The following ZYG11B variants were observed in gnomAD, a reference collection of about 807,000 sequenced individuals.
ZYG11B encodes zyg-11 family member B, cell cycle regulator.
Under a neutral mutation model 82.4 loss-of-function variants are expected in ZYG11B, and 36 were observed. That is an observed-to-expected ratio of 0.44 (90% CI 0.33 to 0.58). The LOEUF (loss-of-function observed/expected upper bound fraction) is 0.58, where lower values mean the gene tolerates loss of function less well. Ranked by LOEUF, ZYG11B falls within the 20% of genes least tolerant of loss-of-function variation. ZYG11B has a pLI of 0.02. For missense variants in ZYG11B, 552 were observed against 895.6 expected (o/e 0.62, Z 4.90); for synonymous variants, 303 against 312.8 (o/e 0.97, Z 0.33).
intron 4 of ZYG11B, among the ~76,000 whole-genome samples, chr1:52,783,786 C>CTT (rs1156937154): frequency 2.4e-4 from 12 of 49,636 alleles, no homozygotes; most frequent in East Asian, 5.5e-3. Context: ...CCATGCCCAG[C>CTT]TTTATATATA....
intron 1 of ZYG11B, among the ~76,000 whole-genome samples, chr1:52,735,685 C>A (rs1644373164): frequency 6.6e-6 from 1 of 152,060 alleles, no homozygotes; most frequent in Non-Finnish European, 1.5e-5. Context: ...TACAGGCGCC[C>A]ACTGCCATGC....
chr1:52,798,732 G>A (rs572235765), intron 8 of ZYG11B, among the ~76,000 whole-genome samples: 17 of 152,266 alleles, frequency 1.1e-4, no homozygotes, highest in Admixed American at 4.6e-4. Flanking sequence ...GCAGATACAT[G>A]ATTTTGCTTG....
chr1:52,744,765 C>G (rs1184000256), intron 1 of ZYG11B, among the ~76,000 whole-genome samples: 1 of 152,120 alleles, frequency 6.6e-6, no homozygotes, highest in Non-Finnish European at 1.5e-5. Context: ...TCTCTTGAAC[C>G]CGGGAGGCGG....
intron 3 of ZYG11B, among the ~76,000 whole-genome samples, chr1:52,776,192 C>CT (rs1644804110): frequency 1.4e-5 from 1 of 70,568 alleles, no homozygotes; most frequent in African/African-American, 4.6e-5. Context: ...GATTTCCTGC[C>CT]TGAACAACAA....
intron 1 of ZYG11B, among the ~76,000 whole-genome samples, chr1:52,754,981 C>T (rs902649963): frequency 3.2e-5 from 4 of 124,812 alleles, no homozygotes; most frequent in Admixed American, 1.9e-4. Context: ...TTTTTTGAGA[C>T]GGAGTCTTGC....
In ZYG11B at chr1:52,779,913, G is replaced by A. The variant is rs368978013; in HGVS notation, c.1012G>A (p.Ala338Thr). 1 of 1,614,196 alleles carries A rather than the reference G, an allele frequency of 6.2e-7. No homozygotes were observed. The highest frequency in any genetic ancestry group is 8.5e-7 in the Non-Finnish European group (1 of 1,180,008). The change falls in exon 4 of 14, where the codon GCA becomes ACA. Residue 338 changes from alanine (A) to threonine (T), a missense_variant. By Grantham distance (58) the Ala-to-Thr change is moderately conservative. Around this residue, in one of 3 missense-constraint regions of ZYG11B, gnomAD observed 359 missense variants for 555.8 expected, o/e 0.65. Transcript: ENST00000294353. ...AEALKRYSERAFFVREALFHL... is the reference protein window; with the variant it reads ...AEALKRYSERTFFVREALFHL... ...AGCACTGAAGCGTTACAGTGAACGG[G>A]CATTCTTTGTTCGGGAAGCTCTATT...
At chr1:52,776,983 G>A (rs1047205899) in intron 3 of ZYG11B, among the ~76,000 whole-genome samples, 1 of 152,162 alleles carries the variant, frequency 6.6e-6, no homozygotes, top group Non-Finnish European at 1.5e-5. Flanking sequence ...GCCGAGGTTG[G>A]CTGATCATTT....
intron 1 of ZYG11B, among the ~76,000 whole-genome samples, chr1:52,750,566 C>G (rs1400061093): frequency 1.3e-5 from 2 of 152,276 alleles, no homozygotes; most frequent in South Asian, 2.1e-4. Flanking sequence ...AGCCATCGTG[C>G]CTGACTCTGG....
At chr1:52,797,608 A>G (rs903627768) in intron 8 of ZYG11B, among the ~76,000 whole-genome samples, 1 of 145,762 alleles carries the variant, frequency 6.9e-6, no homozygotes, top group Non-Finnish European at 1.5e-5. Flanking sequence ...TCCCAGGTTC[A>G]CGCCATTCTC....
rs1229107098 is a variant in ZYG11B at position 52,798,807 on chromosome 1, TAG to T, written c.1485+2025_1485+2026del. ...AAACTTTAAACAGCTTTAAAGGGAG[TAG>T]ATATAAACAATGTCTTAGGGAAGAC... is the stretch of plus-strand genomic sequence containing the variant. On this transcript the variant is annotated intron_variant, in intron 8 of 13. Coordinates refer to ENST00000294353, the MANE Select transcript of ZYG11B (RefSeq NM_024646.3). Among the ~76,000 whole-genome samples the T allele has an allele frequency of 2.6e-5, 4 of 151,768 alleles. No homozygotes were observed. In the East Asian group the frequency reaches 7.7e-4, roughly 29 times the overall value.
In ZYG11B at chr1:52,796,988, T is replaced by A. The variant is rs1174504857; in HGVS notation, c.1485+204T>A. Among the ~76,000 whole-genome samples, 974 of 68,540 alleles carry A rather than the reference T, an allele frequency of 0.014. 105 individuals are homozygous for A. The Admixed American group carries it at 0.18, about 12-fold the overall frequency. The allele number at this position is 68,540 out of a possible 152,430, so 45.0% of individuals were successfully genotyped here. A position where few individuals can be genotyped will look rare whatever the true frequency, so the allele number is the denominator to read the frequency against. ...ATATAATATATATAAATATATATAT[T>A]TTTTATATAAATATATTATATATTT... On this transcript the variant is annotated intron_variant, in intron 8 of 13. Transcript: ENST00000294353.
chr1:52,747,466 G>C lies in ZYG11B; in HGVS notation c.31-8992G>C, dbSNP rs74943264. ...GTTTGAGAGATGATATGGTGTAGCA[G>C]AAAAAGTATGGACTTCATTATTAAC... On this transcript the variant is annotated intron_variant, in intron 1 of 13. Coordinates refer to ENST00000294353, the MANE Select transcript of ZYG11B (RefSeq NM_024646.3). Among the ~76,000 whole-genome samples, 901 of 152,188 alleles carry C rather than the reference G, an allele frequency of 5.9e-3. 5 individuals carry two copies. The highest frequency in any genetic ancestry group is 9.5e-3 in the Non-Finnish European group (648 of 68,010).
chr1:52,736,969 G>GA (rs1231565409), intron 1 of ZYG11B, among the ~76,000 whole-genome samples: 7 of 151,992 alleles, frequency 4.6e-5, no homozygotes, highest in Admixed American at 3.3e-4. Context: ...CATTTTATGA[G>GA]AAAAAATCTT....
intron 6 of ZYG11B, among the ~76,000 whole-genome samples, chr1:52,790,773 CTTTTTTTT>C: frequency 3.9e-5 from 3 of 77,694 alleles, no homozygotes; most frequent in African/African-American, 1.6e-4. Context: ...GTCCAGTGTT[CTTTTTTTT>C]TTTTTTTTTT....
At position 52,773,608 on chromosome 1, in the gene ZYG11B, T is replaced by C. The variant is rs1047647685; in HGVS notation, c.951+1834T>C. Among the ~76,000 whole-genome samples the C allele has an allele frequency of 2.7e-3, 42 of 15,772 alleles. 2 individuals are homozygous for C. Among genetic ancestry groups the C allele is most frequent in the African/African-American group, 6.4e-3 (42 of 6,564 alleles). The allele number at this position is 15,772 out of a possible 152,430, so 10.3% of individuals were successfully genotyped here. On this transcript the variant is annotated intron_variant, in intron 3 of 13. Transcript: ENST00000294353. Reference sequence around the variant, plus strand: ...AGATGTATGCTTTAAACTATATATATATATATATATATATATATATTTTTT... The same window carrying C: ...AGATGTATGCTTTAAACTATATATACATATATATATATATATATATTTTTT...
At chr1:52,775,297 A>T (rs1030942719) in intron 3 of ZYG11B, among the ~76,000 whole-genome samples, 1 of 152,200 alleles carries the variant, frequency 6.6e-6, no homozygotes, top group Admixed American at 6.5e-5. Flanking sequence ...GTGAAGGTAC[A>T]TAAATGTTTT....
chr1:52,800,013 T>C (rs1645062699), intron 8 of ZYG11B, among the ~76,000 whole-genome samples: 3 of 151,932 alleles, frequency 2.0e-5, no homozygotes, highest in Non-Finnish European at 4.4e-5. Flanking sequence ...GAAAAGCTCA[T>C]GCTTGTAATC....
intron 1 of ZYG11B, among the ~76,000 whole-genome samples, chr1:52,732,764 A>G (rs932108603): frequency 6.9e-6 from 1 of 145,908 alleles, no homozygotes; most frequent in East Asian, 2.0e-4. Flanking sequence ...ACTCTGTCTC[A>G]AAAAAAAAAG....
intron 3 of ZYG11B, among the ~76,000 whole-genome samples, chr1:52,773,765 C>T (rs1644778867): frequency 1.4e-5 from 2 of 147,080 alleles, no homozygotes; most frequent in Non-Finnish European, 3.0e-5. Flanking sequence ...GCCTCAGTCT[C>T]CCAAGTAGCT....
Sources: allele counts gnomAD v4.1 joint callset (sites outside exome capture counted in the v4.1 genomes callset), GRCh38; gene constraint gnomAD v4.1.1; regional missense constraint gnomAD v4.1.1; transcripts MANE v1.5; gene names NCBI Gene and HGNC (gene_info 2026-07-23, HGNC 2026-07-21).